The following SART1 variants were observed in gnomAD, a reference collection of about 807,000 sequenced individuals.
The protein encoded by SART1 is spliceosome associated factor 1, recruiter of U4/U6.U5 tri-snRNP.
A neutral mutation model predicts 105.0 loss-of-function variants in SART1; 28 were observed. The observed-to-expected ratio is 0.27, with a 90% confidence interval of 0.20 to 0.37. The LOEUF is 0.37. SART1 is among the 10% of genes least tolerant of loss of function. The pLI, the probability that SART1 is intolerant of heterozygous loss-of-function variation, is 1.00. For missense variants in SART1, 894 were observed against 1,106.5 expected (o/e 0.81, Z 2.72); for synonymous variants, 472 against 462.9 (o/e 1.02, Z -0.25).
Position 65,967,488 on chromosome 11 carries a change from G to T in SART1, c.1331G>T (p.Arg444Leu). ...TCCCTCAGACTGCGGGGACGGGGTC[G>T]CCGCCGAGTGTCCGAAGTGGAGGAG... ...DFGSRLRGRGRRRVSEVEEEK... is the reference protein window; with the variant it reads ...DFGSRLRGRGLRRVSEVEEEK... The change falls in exon 11 of 20, where the codon CGC (arginine) becomes CTC (leucine). Residue 444 changes from arginine to leucine, a missense_variant. Physicochemically the swap from Arg to Leu is moderately radical, Grantham distance 102. Coordinates refer to ENST00000312397, the MANE Select transcript of SART1 (RefSeq NM_005146.5). 1 of 1,613,054 alleles carries T rather than the reference G, an allele frequency of 6.2e-7. No individual in the cohort carries two copies. The highest frequency in any genetic ancestry group is 8.5e-7 in the Non-Finnish European group (1 of 1,179,890).
chr11:65,963,925 CT>C (rs1855196093), intron 1 of SART1, 148 bp from the exon 2 acceptor site: 1 of 654,390 alleles, frequency 1.5e-6, no homozygotes, highest in East Asian at 2.7e-5. Flanking sequence ...TGCTGGGGAG[CT>C]TGGGTGGAAG....
chr11:65,972,711 C>G (rs1855402334), intron 12 of SART1, among the ~76,000 whole-genome samples: 1 of 150,340 alleles, frequency 6.7e-6, no homozygotes, highest in Non-Finnish European at 1.5e-5. Flanking sequence ...AGGTTATAGT[C>G]AGCTATGATA....
chr11:65,964,494 A>T, intron 2 of SART1, 21 bp from the exon 3 acceptor site: 2 of 1,612,930 alleles, frequency 1.2e-6, no homozygotes, highest in South Asian at 2.2e-5. Flanking sequence ...AGCCCCTAAC[A>T]CTTGTATCTC....
At chr11:65,964,652 G>T (rs1034386360) in intron 3 of SART1, 82 bp downstream of exon 3, 28 of 1,374,158 alleles carry the variant, frequency 2.0e-5, no homozygotes, top group Non-Finnish European at 2.6e-5. Flanking sequence ...TAGAGGGCAG[G>T]TTCAGCACTG....
chr11:65,979,355 C>T lies in SART1; in HGVS notation c.*325C>T, dbSNP rs930238441. 106 of 471,608 alleles carry T rather than the reference C, an allele frequency of 2.2e-4. No homozygotes were observed. In the East Asian group the frequency reaches 3.8e-3, roughly 17 times the overall value. 29.2% of individuals were successfully genotyped at this position (471,608 alleles called of 1,614,324 possible). A position where few individuals can be genotyped will look rare whatever the true frequency, so the allele number is the denominator to read the frequency against. ...TGCTCTCTCCTGGCCTCGGGGGCTG[C>T]ACAGGTCACTGTCCTGTAATGTCTC... On this transcript the variant is annotated 3_prime_UTR_variant, in exon 20 of 20. Coordinates refer to ENST00000312397, the MANE Select transcript of SART1 (RefSeq NM_005146.5).
intron 17 of SART1, 38 bp downstream of exon 17, chr11:65,977,937 C>T (rs943134271): frequency 7.5e-6 from 12 of 1,592,426 alleles, no homozygotes; most frequent in African/African-American, 1.3e-5. Context: ...CCCGGCCTGC[C>T]ACAGGGAGGC....
chr11:65,967,935 T>C, intron 12 of SART1, 114 bp downstream of exon 12: 1 of 986,520 alleles, frequency 1.0e-6, no homozygotes. Context: ...ATTTGTTTTT[T>C]GTTTTCTGGG....
At chr11:65,964,850 G>A (rs1027601960) in intron 3 of SART1, among the ~76,000 whole-genome samples, 1 of 152,192 alleles carries the variant, frequency 6.6e-6, no homozygotes, top group Non-Finnish European at 1.5e-5. Context: ...GTGCGGGGGT[G>A]GGTTTCTTGT....
At position 65,961,795 on chromosome 11, in the gene SART1, G is replaced by A. The variant is rs1398672566; in HGVS notation, c.15G>A (p.Lys5=). 4 of 1,547,188 alleles carry A rather than the reference G, an allele frequency of 2.6e-6. No individual in the cohort carries two copies. Among genetic ancestry groups the A allele is most frequent in the Admixed American group, 2.1e-5 (1 of 47,996 alleles). Residue 5 remains lysine (K), a synonymous_variant, in exon 1 of 20, where the codon AAG becomes AAA. Coordinates refer to ENST00000312397, the MANE Select transcript of SART1 (RefSeq NM_005146.5). The stretch of plus-strand genomic sequence containing the variant: ...GACGTGCCACTATGGGGTCGTCCAA[G>A]AAGCATCGCGGAGAGAAGGAGGCGG... MGSS[K]KHRGEKEAAG...
chr11:65,962,125 TCGGGC>T, intron 1 of SART1, 32 bp downstream of exon 1: 1 of 62,144 alleles, frequency 1.6e-5, no homozygotes, highest in Non-Finnish European at 3.0e-5. Context: ...AGGGGGCGGG[TCGGGC>T]GGGGGTCCCG....
chr11:65,967,949 GTTTTT>G (rs35216160), intron 12 of SART1, 128 bp downstream of exon 12: 284 of 421,556 alleles, frequency 6.7e-4, no homozygotes, highest in South Asian at 9.4e-4. Context: ...TTCTGGGTTT[GTTTTT>G]TTTTTTTTTT....
Position 65,974,390 on chromosome 11 carries a change from A to C in SART1, c.1573-2005A>C, listed in dbSNP as rs1399547639. Among the ~76,000 whole-genome samples the C allele has an allele frequency of 1.2e-4, 17 of 146,366 alleles. 1 individual carries two copies. The highest frequency in any genetic ancestry group is 3.1e-4 in the African/African-American group (12 of 39,182). ...CTGTCTCAAAAAAAAAAAAAAAAAAAACCATATCAGCCGGGTGTGGTGGTT... is the reference window on the plus strand; with the variant it reads ...CTGTCTCAAAAAAAAAAAAAAAAAACACCATATCAGCCGGGTGTGGTGGTT... On this transcript the variant is annotated intron_variant, in intron 12 of 19. Transcript: ENST00000312397.
intron 12 of SART1, among the ~76,000 whole-genome samples, chr11:65,973,279 T>C (rs1344248989): frequency 6.6e-6 from 1 of 151,754 alleles, no homozygotes; most frequent in Non-Finnish European, 1.5e-5. Context: ...TATTTGCCCA[T>C]ATATACCACC....
intron 2 of SART1, 131 bp downstream of exon 2, chr11:65,964,262 A>C: frequency 1.1e-6 from 1 of 920,578 alleles, no homozygotes; most frequent in East Asian, 2.6e-5. Context: ...CATCTTAGCC[A>C]ACAGTTGACT....
At position 65,966,181 on chromosome 11, in the gene SART1, C is replaced by G; in HGVS notation, c.944C>G (p.Pro315Arg). The G allele has an allele frequency of 6.2e-7, 1 of 1,613,992 alleles. No individual in the cohort carries two copies. The highest frequency in any genetic ancestry group is 8.5e-7 in the Non-Finnish European group (1 of 1,180,028). ...ELRKKKPDYLPYAEDESVDDL... is the reference protein window; with the variant it reads ...ELRKKKPDYLRYAEDESVDDL... ...CGGAAGAAGAAGCCTGACTACCTGC[C>G]CTATGCCGAGGACGAGAGCGTGGAC... Residue 315 changes from proline (P) to arginine (R), a missense_variant, in exon 8 of 20, where the codon CCC becomes CGC. Coordinates refer to ENST00000312397, the MANE Select transcript of SART1 (RefSeq NM_005146.5).
chr11:65,971,832 C>T (rs1371869144), intron 12 of SART1, among the ~76,000 whole-genome samples: 2 of 151,944 alleles, frequency 1.3e-5, no homozygotes, highest in African/African-American at 2.4e-5. Flanking sequence ...GGCCTGGAGT[C>T]GTGATGTGGT....
At position 65,976,931 on chromosome 11, in the gene SART1, G is replaced by A; in HGVS notation, c.1858-83G>A. The A allele has an allele frequency of 7.9e-7, 1 of 1,260,150 alleles. No individual in the cohort carries two copies. The highest frequency in any genetic ancestry group is 1.2e-6 in the Non-Finnish European group (1 of 864,098). 78.1% of individuals were successfully genotyped at this position (1,260,150 alleles called of 1,614,324 possible). A position where few individuals can be genotyped will look rare whatever the true frequency, so the allele number is the denominator to read the frequency against. ...AGGAAATTAAATGTTGTGGAGGGCT[G>A]GTGCCTGGCAGGTGGTGACCAGTGG... On this transcript the variant is annotated intron_variant, in intron 14 of 19. Transcript: ENST00000312397. This position sits in a 1 kb window ranked among gnomAD's most constrained non-coding sequence, Gnocchi z 5.1.
At position 65,966,410 on chromosome 11, in the gene SART1, T is replaced by G. The variant is rs374434835; in HGVS notation, c.1042T>G (p.Ser348Ala). 42 of 1,613,704 alleles carry G rather than the reference T, an allele frequency of 2.6e-5. No individual in the cohort carries two copies. The highest frequency in any genetic ancestry group is 3.5e-5 in the Non-Finnish European group (41 of 1,180,004). ...DEELEGERPH[S>A]FRLEQGGTAD... is the part of the protein sequence containing the mutation. ...AGAGCTTGAAGGGGAGCGGCCACAT[T>G]CCTTCCGCTTGGAGCAGGGCGGCAC... The change falls in exon 9 of 20, where the codon TCC becomes GCC. Residue 348 changes from serine to alanine, a missense_variant. Ser to Ala is a moderately conservative substitution (Grantham distance 99, BLOSUM62 1). Coordinates refer to ENST00000312397, the MANE Select transcript of SART1 (RefSeq NM_005146.5).
rs1565317995 is a variant in SART1 at position 65,976,551 on chromosome 11, G to A, written c.1729G>A (p.Glu577Lys). 5 of 1,611,656 alleles carry A rather than the reference G, an allele frequency of 3.1e-6. No individual in the cohort carries two copies. In the South Asian group the frequency reaches 4.4e-5, roughly 14 times the overall value. The change falls in exon 13 of 20, where the codon GAG becomes AAG. Residue 577 changes from glutamate to lysine, a missense_variant. Glu to Lys is a moderately conservative substitution (Grantham distance 56, BLOSUM62 1). Coordinates refer to ENST00000312397, the MANE Select transcript of SART1 (RefSeq NM_005146.5). The surrounding 1 kb of genome is among the most constrained non-coding windows in gnomAD (Gnocchi z 5.1). ...CTACGGGCTGGCTGGCAATCGCGAG[G>A]AGCAGGAGGAGCTCATGGTGCGTCT... ...PTYGLAGNRE[E>K]QEELMDFERD...
Sources: gnomAD v4.1 joint callset for allele counts (sites outside exome capture counted in the v4.1 genomes callset) on GRCh38, gnomAD v4.1.1 for gene constraint, Gnocchi (gnomAD v3.1) non-coding constraint, MANE v1.5 for transcripts, NCBI Gene and HGNC (gene_info 2026-07-23, HGNC 2026-07-21) for gene names.